The following MYCBPAP variants were observed in gnomAD, a reference collection of about 807,000 sequenced individuals.
The protein encoded by MYCBPAP is MYCBP associated protein.
In MYCBPAP, 60 loss-of-function variants were observed where a neutral mutation model predicts 106.1. That is an observed-to-expected ratio of 0.57 (90% confidence interval 0.46 to 0.70). The LOEUF (loss-of-function observed/expected upper bound fraction) is 0.70. Ranked by LOEUF, MYCBPAP falls within the 30% of genes least tolerant of loss-of-function variation. The pLI, the probability that MYCBPAP is intolerant of heterozygous loss-of-function variation, is 0.00. For synonymous variants in MYCBPAP, 407 were observed against 440.6 expected (o/e 0.92, Z 0.95); for missense variants, 1,064 against 1,169.3 (o/e 0.91, Z 1.31).
At chr17:50,523,233 C>A in intron 11 of MYCBPAP, 105 bp downstream of exon 11, 2 of 1,104,428 alleles carry the variant, frequency 1.8e-6, no homozygotes, top group Non-Finnish European at 2.7e-6. Flanking sequence ...TAAGTTTGAG[C>A]CCTGCTTCCC....
chr17:50,516,459 GC>G, intron 1 of MYCBPAP, 110 bp from the exon 2 acceptor site: 2 of 1,309,136 alleles, frequency 1.5e-6, no homozygotes, highest in Non-Finnish European at 2.0e-6. Context: ...GGTCAGCTCT[GC>G]CCCCCACCAT....
chr17:50,519,503 G>A (rs2034178619), intron 6 of MYCBPAP, 137 bp from the exon 7 acceptor site: 5 of 1,054,326 alleles, frequency 4.7e-6, no homozygotes, highest in Admixed American at 2.4e-5. Context: ...GGATGCTTCT[G>A]TTATGCAATC....
chr17:50,519,754 A>G lies in MYCBPAP; in HGVS notation c.883A>G (p.Ile295Val), dbSNP rs1168807649. Reference protein sequence around the residue: ...QRGLMEPITHIRKPHSIRVET... With the variant: ...QRGLMEPITHVRKPHSIRVET... Reference sequence around the variant, plus strand: ...TGGCCTCATGGAGCCCATCACTCACATCAGGAAGCCCCACTCCATCCGGGT... The same window carrying G: ...TGGCCTCATGGAGCCCATCACTCACGTCAGGAAGCCCCACTCCATCCGGGT... The change falls in exon 7 of 19, where the codon ATC (isoleucine) becomes GTC (valine). Residue 295 changes from isoleucine (I) to valine (V), a missense_variant. By Grantham distance (29) the Ile-to-Val change is conservative. Transcript: ENST00000323776. 4 of 1,613,898 alleles carry G rather than the reference A, an allele frequency of 2.5e-6. No homozygotes were observed. The highest frequency in any genetic ancestry group is 3.4e-6 in the Non-Finnish European group (4 of 1,179,988).
Position 50,524,900 on chromosome 17 carries a change from A to C in MYCBPAP, c.1659A>C (p.Ala553=), listed in dbSNP as rs761005466. 1 of 1,613,824 alleles carries C rather than the reference A, an allele frequency of 6.2e-7. No homozygotes were observed. The part of the protein sequence containing the change: ...VLESKLTAHE[A]VTVVREVLQE... The stretch of plus-strand genomic sequence containing the variant: ...AGAGCAAGCTGACTGCCCATGAGGC[A>C]GTCACCGTCGTTCGCGAAGTGCTGC... The change falls in exon 13 of 19, where the codon GCA becomes GCC. Residue 553 remains alanine, a synonymous_variant. Transcript: ENST00000323776.
intron 1 of MYCBPAP, among the ~76,000 whole-genome samples, chr17:50,511,787 C>CA (rs931880642): frequency 1.1e-4 from 17 of 152,316 alleles, no homozygotes; most frequent in Middle Eastern, 3.4e-3. Context: ...GCTCAGTAGT[C>CA]AGACATACCT....
At chr17:50,508,859 G>A (rs1235642842) in intron 1 of MYCBPAP, 109 bp downstream of exon 1, 3 of 1,021,754 alleles carry the variant, frequency 2.9e-6, no homozygotes, top group Admixed American at 2.0e-5. Flanking sequence ...CAGGGATGGA[G>A]GAAAGATCAC....
At chr17:50,518,358 G>A (rs924379955) in intron 4 of MYCBPAP, among the ~76,000 whole-genome samples, 183 bp from the exon 5 acceptor site, 4 of 152,244 alleles carry the variant, frequency 2.6e-5, no homozygotes, top group African/African-American at 9.6e-5. Context: ...TGGACTGACA[G>A]CTGCTTTCAG....
intron 1 of MYCBPAP, chr17:50,510,556 C>T (rs950634566): frequency 5.8e-5 from 8 of 137,774 alleles, no homozygotes; most frequent in Non-Finnish European, 9.3e-5. Context: ...GACAGGGCCT[C>T]GCTCTGTCAC....
At chr17:50,510,908 C>T (rs1383425658) in intron 1 of MYCBPAP, among the ~76,000 whole-genome samples, 1 of 152,024 alleles carries the variant, frequency 6.6e-6, no homozygotes, top group African/African-American at 2.4e-5. Context: ...CCACTGCCTC[C>T]TGCTCACATA....
chr17:50,518,438 G>A, intron 4 of MYCBPAP, 103 bp from the exon 5 acceptor site: 2 of 1,012,812 alleles, frequency 2.0e-6, no homozygotes, highest in Non-Finnish European at 2.8e-6. Context: ...GGGACTCTCA[G>A]CGCAGTGGGA....
Position 50,508,537 on chromosome 17 carries a change from G to C in MYCBPAP, c.-138G>C. The C allele has an allele frequency of 6.5e-7, 1 of 1,538,990 alleles. No individual in the cohort carries two copies. Among genetic ancestry groups the C allele is most frequent in the South Asian group, 1.2e-5 (1 of 83,146 alleles). On this transcript the variant is annotated 5_prime_UTR_variant, in exon 1 of 19. Transcript: ENST00000323776. ...TTTCCAAGCCGTCTCCGCCCAAGTT[G>C]ATCGGTGGATGCGCGCCCCCGCGCG...
At position 50,528,848 on chromosome 17, in the gene MYCBPAP, G is replaced by A; in HGVS notation, c.2553+8G>A. 1 of 1,612,934 alleles carries A rather than the reference G, an allele frequency of 6.2e-7. No homozygotes were observed. The highest frequency in any genetic ancestry group is 1.1e-5 in the South Asian group (1 of 91,020). ...AAGCTGCTCGGGAAAGAGGCATGCTGGGGCGTGGTCTGGGCCAGGTGGGGC... is the reference window on the plus strand; with the variant it reads ...AAGCTGCTCGGGAAAGAGGCATGCTAGGGCGTGGTCTGGGCCAGGTGGGGC... On this transcript the variant is annotated splice_region_variant and intron_variant, in intron 17 of 18. Transcript: ENST00000323776.
chr17:50,513,346 C>T (rs943377384), intron 1 of MYCBPAP, among the ~76,000 whole-genome samples: 8 of 151,674 alleles, frequency 5.3e-5, no homozygotes, highest in African/African-American at 1.5e-4. Flanking sequence ...GAGATCACAC[C>T]ACTGCACTCC....
chr17:50,508,868 A>C, intron 1 of MYCBPAP, 118 bp downstream of exon 1: 61 of 958,714 alleles, frequency 6.4e-5, no homozygotes, highest in Non-Finnish European at 9.2e-5. Flanking sequence ...AGGAAAGATC[A>C]CGGGGAAGTG....
rs2034541884 is a variant in MYCBPAP at position 50,528,822 on chromosome 17, C to T, written c.2535C>T (p.Ala845=). 6.2e-7 allele frequency: 1 copy of T among 1,613,374 alleles called. No homozygotes were observed. Among genetic ancestry groups the T allele is most frequent in the East Asian group, 2.2e-5 (1 of 44,870 alleles). Residue 845 remains alanine, a synonymous_variant, in exon 17 of 19, where the codon GCC becomes GCT. Coordinates refer to ENST00000323776, the MANE Select transcript of MYCBPAP (RefSeq NM_032133.6). ...AAGACAAAGAAGACAAGAAAGGAGC[C>T]AAGCTGCTCGGGAAAGAGGCATGCT... The part of the protein sequence containing the change: ...GIKDKEDKKG[A]KLLGKEDRPN...
Position 50,519,623 on chromosome 17 carries a change from C to T in MYCBPAP, c.769-17C>T, listed in dbSNP as rs564132755. 3 of 1,613,818 alleles carry T rather than the reference C, an allele frequency of 1.9e-6. No homozygotes were observed. The South Asian group carries it at 3.3e-5, about 18-fold the overall frequency. ...GAGGTGTCCTGGTAATCTGACTCAC[C>T]TTTCCTTCCTTGCCAGAGCTGGGAG... On this transcript the variant is annotated splice_polypyrimidine_tract_variant and intron_variant, in intron 6 of 18. Coordinates refer to ENST00000323776, the MANE Select transcript of MYCBPAP (RefSeq NM_032133.6).
chr17:50,528,355 T>C, intron 16 of MYCBPAP, 85 bp downstream of exon 16: 1 of 1,180,428 alleles, frequency 8.5e-7, no homozygotes, highest in South Asian at 1.3e-5. Flanking sequence ...GGGCCAGTCA[T>C]ACTCCTTTGG....
intron 6 of MYCBPAP, 135 bp downstream of exon 6, chr17:50,519,224 C>T: frequency 1.6e-6 from 1 of 637,772 alleles, no homozygotes; most frequent in Non-Finnish European, 2.8e-6. Flanking sequence ...TGCAAAACAT[C>T]ATTAGGCCCT....
At chr17:50,524,227 A>G (rs1366054498) in intron 12 of MYCBPAP, among the ~76,000 whole-genome samples, 1 of 152,130 alleles carries the variant, frequency 6.6e-6, no homozygotes, top group East Asian at 1.9e-4. Context: ...TCAGCTGACA[A>G]CTCGAGTGAG....
Sources: allele counts gnomAD v4.1 joint callset (sites outside exome capture counted in the v4.1 genomes callset), GRCh38; gene constraint gnomAD v4.1.1; transcripts MANE v1.5; gene names NCBI Gene and HGNC (gene_info 2026-07-23, HGNC 2026-07-21).